EYS: variants seen among roughly 807,000 people sequenced by gnomAD.
EYS encodes protein eyes shut homolog.
EYS carries 250 observed loss-of-function variants against 282.1 expected under a neutral mutation model. The ratio of observed to expected loss-of-function variants is 0.89; its 90% CI spans 0.80 to 0.98. EYS has a LOEUF of 0.98. EYS is among the 50% of genes least tolerant of loss of function. The probability of loss-of-function intolerance (pLI) is 0.00; values close to 1 mark genes in which losing one functional copy is unlikely to be tolerated. For synonymous variants in EYS, 1,355 were observed against 1,282.9 expected (o/e 1.06, Z -1.20); for missense variants, 4,016 against 3,709.0 (o/e 1.08, Z -2.15).
intron 22 of EYS, among the ~76,000 whole-genome samples, chr6:64,684,852 G>C (rs1461048511): frequency 1.3e-5 from 2 of 151,872 alleles, no homozygotes; most frequent in Admixed American, 1.3e-4. Context: ...TAACTGAAAA[G>C]AAGACAGAAT....
chr6:63,882,219 T>G (rs1325498700), intron 35 of EYS, among the ~76,000 whole-genome samples: 1 of 152,248 alleles, frequency 6.6e-6, no homozygotes, highest in Non-Finnish European at 1.5e-5. Flanking sequence ...AACTTCAAGC[T>G]ATGAAGAGCA....
chr6:65,589,757 T>C (rs1403440973), intron 2 of EYS, among the ~76,000 whole-genome samples: 1 of 151,950 alleles, frequency 6.6e-6, no homozygotes, highest in Non-Finnish European at 1.5e-5. Flanking sequence ...AAAAACACTT[T>C]CTCTGAATGT....
intron 2 of EYS, among the ~76,000 whole-genome samples, chr6:65,518,299 T>G (rs897934889): frequency 1.3e-5 from 2 of 152,162 alleles, no homozygotes; most frequent in Admixed American, 6.5e-5. Flanking sequence ...TACCCATATC[T>G]TATAAAAATT....
At chr6:64,461,950 T>A (rs748738696) in intron 26 of EYS, among the ~76,000 whole-genome samples, 5 of 152,118 alleles carry the variant, frequency 3.3e-5, no homozygotes, top group Non-Finnish European at 7.4e-5. Flanking sequence ...TTTCTTTTAT[T>A]GAAAAAAGCA....
At chr6:65,374,289 TA>T (rs1307086554) in intron 8 of EYS, among the ~76,000 whole-genome samples, 1 of 151,992 alleles carries the variant, frequency 6.6e-6, no homozygotes, top group Non-Finnish European at 1.5e-5. Flanking sequence ...TGAGTTTACA[TA>T]AGGGGTCAGG....
chr6:65,203,690 T>C (rs1166440770), intron 12 of EYS, among the ~76,000 whole-genome samples: 1 of 152,204 alleles, frequency 6.6e-6, no homozygotes, highest in Non-Finnish European at 1.5e-5. Flanking sequence ...ACACATGTTA[T>C]GGACCATCCT....
chr6:65,265,858 T>G (rs1767739712), intron 12 of EYS, among the ~76,000 whole-genome samples: 1 of 151,940 alleles, frequency 6.6e-6, no homozygotes, highest in African/African-American at 2.4e-5. Context: ...TTCTAATCTG[T>G]AAAATGAAGG....
chr6:64,083,421 GAC>G (rs1772043178), intron 31 of EYS, among the ~76,000 whole-genome samples: 1 of 152,128 alleles, frequency 6.6e-6, no homozygotes, highest in African/African-American at 2.4e-5. Context: ...AGGGTGGCCT[GAC>G]ACCTGCTGTC....
intron 35 of EYS, among the ~76,000 whole-genome samples, chr6:63,903,110 T>C (rs1485472362): frequency 6.6e-6 from 1 of 152,178 alleles, no homozygotes; most frequent in Non-Finnish European, 1.5e-5. Flanking sequence ...TCATATATTT[T>C]TTGCCAGACT....
intron 33 of EYS, among the ~76,000 whole-genome samples, chr6:64,018,789 T>TTTTTTGAACA (rs1769027697): frequency 7.1e-6 from 1 of 141,756 alleles, no homozygotes; most frequent in Admixed American, 7.0e-5. Flanking sequence ...TTTTTTTTTT[T>TTTTTTGAACA]GTCGAGACAG....
chr6:63,759,462 C>T (rs1769576991), intron 41 of EYS, among the ~76,000 whole-genome samples: 1 of 152,114 alleles, frequency 6.6e-6, no homozygotes, highest in Admixed American at 6.6e-5. Flanking sequence ...ATTTCACTTT[C>T]TCTCCGAGTT....
chr6:65,513,186 C>T (rs542347881), intron 2 of EYS, among the ~76,000 whole-genome samples: 1 of 152,168 alleles, frequency 6.6e-6, no homozygotes, highest in Non-Finnish European at 1.5e-5. Context: ...ACTAGAAAAT[C>T]TAGAAGAAAT....
chr6:65,228,327 CTGAAACTATTA>C (rs766388033), intron 12 of EYS, among the ~76,000 whole-genome samples: 2 of 151,986 alleles, frequency 1.3e-5, no homozygotes, highest in Non-Finnish European at 2.9e-5. Flanking sequence ...ATTAAAAATA[CTGAAACTATTA>C]CATGTGTTCC....
chr6:64,429,687 GC>G (rs1257938065), intron 28 of EYS, among the ~76,000 whole-genome samples: 1 of 152,048 alleles, frequency 6.6e-6, no homozygotes, highest in African/African-American at 2.4e-5. Flanking sequence ...TAATTAACTG[GC>G]CTATATAGGT....
At chr6:64,007,389 C>T (rs1331352034) in intron 33 of EYS, among the ~76,000 whole-genome samples, 3 of 148,514 alleles carry the variant, frequency 2.0e-5, no homozygotes, top group South Asian at 2.1e-4. Context: ...TTTTTAATTT[C>T]AATTAGCCTA....
intron 1 of EYS, among the ~76,000 whole-genome samples, chr6:65,705,998 A>G (rs553983242): frequency 1.8e-3 from 269 of 152,054 alleles, no homozygotes; most frequent in Non-Finnish European, 3.1e-3. Context: ...AAAACTTGTT[A>G]GAATTGATAA....
intron 33 of EYS, among the ~76,000 whole-genome samples, chr6:64,025,160 C>A (rs555112385): frequency 6.6e-6 from 1 of 152,096 alleles, no homozygotes; most frequent in East Asian, 1.9e-4. Context: ...GCAACTAGTG[C>A]GGCTGCCGGA....
chr6:65,403,852 T>C lies in EYS; in HGVS notation c.1057-1247A>G, dbSNP rs146202662. Among the ~76,000 whole-genome samples, 242 of 152,208 alleles carry C rather than the reference T, an allele frequency of 1.6e-3. 2 individuals are homozygous for C. In the East Asian group the frequency reaches 0.032, roughly 20 times the overall value. ...TTATAACATGTGTTCAATTGTTCAT[T>C]ATTGTCAACTTTAAAAGCAAAACAT... On this transcript the variant is annotated intron_variant, in intron 6 of 42. Coordinates refer to ENST00000503581, the MANE Select transcript of EYS (RefSeq NM_001142800.2).
intron 36 of EYS, among the ~76,000 whole-genome samples, chr6:63,860,474 T>C (rs1482030987): frequency 2.0e-5 from 3 of 152,142 alleles, no homozygotes; most frequent in Non-Finnish European, 4.4e-5. Context: ...AAAAGAACCA[T>C]GAGACAATGG....
Sources: gnomAD v4.1 joint callset for allele counts (sites outside exome capture counted in the v4.1 genomes callset) on GRCh38, gnomAD v4.1.1 for gene constraint, MANE v1.5 for transcripts, NCBI Gene and HGNC (gene_info 2026-07-23, HGNC 2026-07-21) for gene names.